N4BP2: variants seen among roughly 807,000 people sequenced by gnomAD.
The protein encoded by N4BP2 is NEDD4-binding protein 2.
Under a neutral mutation model 152.8 loss-of-function variants are expected in N4BP2, and 91 were observed. That is an observed-to-expected ratio of 0.60 (90% confidence interval 0.50 to 0.71). The LOEUF is 0.71. N4BP2 is among the 30% of genes least tolerant of loss of function. The pLI, the probability that N4BP2 is intolerant of heterozygous loss-of-function variation, is 0.00. For missense variants in N4BP2, 1,923 were observed against 2,059.1 expected (o/e 0.93, Z 1.28); for synonymous variants, 646 against 705.3 (o/e 0.92, Z 1.33).
intron 5 of N4BP2, among the ~76,000 whole-genome samples, chr4:40,107,247 C>T (rs1225147831): frequency 2.0e-5 from 3 of 151,966 alleles, no homozygotes; most frequent in Non-Finnish European, 2.9e-5. Context: ...CACAGATGTG[C>T]CACCATGCCT....
At chr4:40,119,378 G>A (rs1333586786) in intron 8 of N4BP2, among the ~76,000 whole-genome samples, 1 of 152,120 alleles carries the variant, frequency 6.6e-6, no homozygotes, top group African/African-American at 2.4e-5. Flanking sequence ...ATAATGATTT[G>A]CACAAGTGCT....
chr4:40,152,113 A>G (rs1439875628), intron 16 of N4BP2, among the ~76,000 whole-genome samples: 1 of 152,224 alleles, frequency 6.6e-6, no homozygotes, highest in African/African-American at 2.4e-5. Context: ...ATGTTTTAAG[A>G]ACTATCTATC....
chr4:40,110,515 G>T lies in N4BP2; in HGVS notation c.1499-1569G>T, dbSNP rs540860273. 3.9e-5 allele frequency among the ~76,000 whole-genome samples: 6 copies of T among 152,210 alleles called. No individual in the cohort carries two copies. In the East Asian group the frequency reaches 1.2e-3, roughly 29 times the overall value. Reference sequence around the variant, plus strand: ...GGCTAATGATGTGGAACATCTTTTTGTGTGTTTTTTGGCCATTTGTATATC... The same window carrying T: ...GGCTAATGATGTGGAACATCTTTTTTTGTGTTTTTTGGCCATTTGTATATC... On this transcript the variant is annotated intron_variant, in intron 5 of 17. Coordinates refer to ENST00000261435, the MANE Select transcript of N4BP2 (RefSeq NM_018177.6).
chr4:40,155,153 A>T lies in N4BP2; in HGVS notation c.*916A>T, dbSNP rs1203833873. On this transcript the variant is annotated 3_prime_UTR_variant, in exon 18 of 18. Transcript: ENST00000261435. ...ACGCCTGTAATCCCAGCACTTTGGG[A>T]GGCCGAGGTAGGTGGATCGCCTGAG... is the stretch of plus-strand genomic sequence containing the variant. 6.6e-6 allele frequency: 1 copy of T among 152,268 alleles called. No homozygotes were observed. Among genetic ancestry groups the T allele is most frequent in the Non-Finnish European group, 1.5e-5 (1 of 68,078 alleles). The allele number at this position is 152,268 out of a possible 1,614,324, so 9.4% of individuals were successfully genotyped here. A position where few individuals can be genotyped will look rare whatever the true frequency, so the allele number is the denominator to read the frequency against.
chr4:40,099,874 C>T (rs1403072386), intron 3 of N4BP2, among the ~76,000 whole-genome samples: 1 of 151,718 alleles, frequency 6.6e-6, no homozygotes, highest in Admixed American at 6.6e-5. Context: ...AGAAATACTC[C>T]TTACGTTTGC....
At chr4:40,128,128 T>C (rs1470712232) in intron 12 of N4BP2, among the ~76,000 whole-genome samples, 1 of 152,258 alleles carries the variant, frequency 6.6e-6, no homozygotes, top group Non-Finnish European at 1.5e-5. Context: ...TTGGATTTCG[T>C]CTTACTCTTT....
chr4:40,059,046 C>T (rs1044790675), intron 1 of N4BP2, among the ~76,000 whole-genome samples: 6 of 151,966 alleles, frequency 3.9e-5, no homozygotes, highest in African/African-American at 1.2e-4. Context: ...GTCTCAAACC[C>T]CTGAGCTCAA....
chr4:40,182,132 G>C, the N4BP2 span, among the ~76,000 whole-genome samples: 1 of 151,764 alleles, frequency 6.6e-6, no homozygotes. Context: ...ATTATGTTCT[G>C]TTGCTAAGGA....
In N4BP2 at chr4:40,137,101, T is replaced by C; in HGVS notation, c.4785+19T>C. 1 of 1,585,448 alleles carries C rather than the reference T, an allele frequency of 6.3e-7. No homozygotes were observed. Among genetic ancestry groups the C allele is most frequent in the Non-Finnish European group, 8.6e-7 (1 of 1,164,874 alleles). On this transcript the variant is annotated intron_variant, in intron 14 of 17. Coordinates refer to ENST00000261435, the MANE Select transcript of N4BP2 (RefSeq NM_018177.6). The stretch of plus-strand genomic sequence containing the variant: ...GAAAAAGGTATGGAGTTACTAATTT[T>C]TTTTCTACAAGGGTAGATAATTGCA...
At chr4:40,149,458 G>A (rs1264981119) in intron 16 of N4BP2, among the ~76,000 whole-genome samples, 1 of 152,194 alleles carries the variant, frequency 6.6e-6, no homozygotes, top group Non-Finnish European at 1.5e-5. Flanking sequence ...ATGAGGCACA[G>A]AATTTCTTTG....
At chr4:40,087,095 T>C (rs1714045807) in intron 2 of N4BP2, among the ~76,000 whole-genome samples, 1 of 152,144 alleles carries the variant, frequency 6.6e-6, no homozygotes. Flanking sequence ...CCATGTGCAC[T>C]TGAAAGTAAA....
chr4:40,062,114 T>G (rs1404784794), intron 1 of N4BP2, among the ~76,000 whole-genome samples: 2 of 146,194 alleles, frequency 1.4e-5, no homozygotes, highest in East Asian at 4.0e-4. Flanking sequence ...AGTCTCGCTC[T>G]GTCACCTAGG....
chr4:40,153,257 T>G (rs1721298855), intron 17 of N4BP2, among the ~76,000 whole-genome samples: 1 of 152,244 alleles, frequency 6.6e-6, no homozygotes, highest in Non-Finnish European at 1.5e-5. Context: ...GTTTCTTTGA[T>G]AATATGCAAA....
At chr4:40,113,625 A>G (rs1579057580) in intron 7 of N4BP2, 117 bp downstream of exon 7, 1 of 731,578 alleles carries the variant, frequency 1.4e-6, no homozygotes, top group Non-Finnish European at 2.4e-6. Flanking sequence ...CTTAATTTCT[A>G]TTGCTTACGG....
In N4BP2 at chr4:40,073,351, A is replaced by G. The variant is rs555533003; in HGVS notation, c.-211-104A>G. The G allele has an allele frequency of 6.6e-5, 10 of 152,142 alleles. No homozygotes were observed. The East Asian group carries it at 1.3e-3, about 21-fold the overall frequency. 9.4% of individuals were successfully genotyped at this position (152,142 alleles called of 1,614,324 possible). A position where few individuals can be genotyped will look rare whatever the true frequency, so the allele number is the denominator to read the frequency against. On this transcript the variant is annotated intron_variant, in intron 1 of 17. Transcript: ENST00000261435. Reference sequence around the variant, plus strand: ...TCTCTTTTGTCACTTTCTTTTTGGAATATCATATATATTATAAATATTATA... The same window carrying G: ...TCTCTTTTGTCACTTTCTTTTTGGAGTATCATATATATTATAAATATTATA...
At chr4:40,073,852 G>T (rs11945867) in intron 2 of N4BP2, among the ~76,000 whole-genome samples, 1 of 152,030 alleles carries the variant, frequency 6.6e-6, no homozygotes. Context: ...TAGTGCAATG[G>T]CATGATCTCA....
chr4:40,060,240 CTCATACT>C (rs1222877575), intron 1 of N4BP2, among the ~76,000 whole-genome samples: 1 of 151,948 alleles, frequency 6.6e-6, no homozygotes, highest in Admixed American at 6.6e-5. Context: ...TATCTGAGCT[CTCATACT>C]TCATTTATTT....
chr4:40,090,707 C>G (rs1394097280), intron 2 of N4BP2, among the ~76,000 whole-genome samples: 2 of 151,982 alleles, frequency 1.3e-5, no homozygotes, highest in Non-Finnish European at 2.9e-5. Context: ...CTGAGGCAGG[C>G]CGATCACCTG....
At chr4:40,067,128 G>C (rs1159034839) in intron 1 of N4BP2, among the ~76,000 whole-genome samples, 1 of 146,324 alleles carries the variant, frequency 6.8e-6, no homozygotes, top group African/African-American at 2.5e-5. Flanking sequence ...TGTGATCATG[G>C]CTCACTGCAG....
Sources: gnomAD v4.1 joint callset for allele counts (sites outside exome capture counted in the v4.1 genomes callset) on GRCh38, gnomAD v4.1.1 for gene constraint, MANE v1.5 for transcripts, NCBI Gene and HGNC (gene_info 2026-07-23, HGNC 2026-07-21) for gene names.